Variants in FUT8 observed in about 807,000 individuals in gnomAD.
The protein encoded by FUT8 is alpha-(1,6)-fucosyltransferase.
In FUT8, 29 loss-of-function variants were observed where a neutral mutation model predicts 71.3. The ratio of observed to expected loss-of-function variants is 0.41; its 90% CI spans 0.30 to 0.55. The LOEUF (loss-of-function observed/expected upper bound fraction) is 0.55, where lower values mean the gene tolerates loss of function less well. FUT8 is among the 20% of genes least tolerant of loss of function. The pLI is 0.34. For synonymous variants in FUT8, 254 were observed against 239.3 expected (o/e 1.06, Z -0.57); for missense variants, 544 against 702.1 (o/e 0.77, Z 2.55).
At chr14:65,526,741 C>T (rs1334450107) in intron 2 of FUT8, among the ~76,000 whole-genome samples, 2 of 152,186 alleles carry the variant, frequency 1.3e-5, no homozygotes, top group Non-Finnish European at 2.9e-5. Flanking sequence ...TTCAGGAGCT[C>T]TTGTAGGGCA....
upstream of FUT8, chr14:65,412,141 T>A (rs1400888909): frequency 2.2e-6 from 1 of 456,714 alleles, no homozygotes; most frequent in Admixed American, 2.3e-5. Flanking sequence ...GGGGGGGTCT[T>A]TCTCTTCGAG....
intron 10 of FUT8, among the ~76,000 whole-genome samples, chr14:65,733,798 T>C (rs1236252353): frequency 6.6e-6 from 1 of 152,224 alleles, no homozygotes; most frequent in Non-Finnish European, 1.5e-5. Flanking sequence ...AAATTTTGCC[T>C]CAGTTGATTG....
At chr14:65,358,335 AAATT>A in the FUT8 span, among the ~76,000 whole-genome samples, 12 of 152,346 alleles carry the variant, frequency 7.9e-5, no homozygotes, top group Middle Eastern at 3.4e-3. Flanking sequence ...AATTATAAAT[AAATT>A]AATAAAAATA....
intron 3 of FUT8, among the ~76,000 whole-genome samples, chr14:65,611,019 T>G (rs1189835370): frequency 1.3e-5 from 2 of 151,702 alleles, no homozygotes; most frequent in Non-Finnish European, 2.9e-5. Flanking sequence ...TAATACTAAC[T>G]TTATAGAAAG....
At chr14:65,608,202 A>G (rs1029870788) in intron 3 of FUT8, among the ~76,000 whole-genome samples, 1 of 151,944 alleles carries the variant, frequency 6.6e-6, no homozygotes, top group Non-Finnish European at 1.5e-5. Context: ...ATGTTTTTAA[A>G]GCAAGTGCCT....
intron 7 of FUT8, among the ~76,000 whole-genome samples, chr14:65,675,466 C>T (rs1041543008): frequency 6.6e-6 from 1 of 152,062 alleles, no homozygotes; most frequent in Non-Finnish European, 1.5e-5. Flanking sequence ...CAAACTCCAG[C>T]CCATTGATTG....
At chr14:65,620,155 T>A (rs529916638) in intron 5 of FUT8, among the ~76,000 whole-genome samples, 46 of 152,280 alleles carry the variant, frequency 3.0e-4, no homozygotes, top group South Asian at 1.2e-3. Flanking sequence ...ATATTTTTTT[T>A]AAATTTATTC....
rs558727490 is a variant in FUT8 at position 65,534,999 on chromosome 14, T to C, written c.-227-26338T>C. ...GCTCTTGCATCTCTAGTTCTTTTAG[T>C]TGTGATATTAGGTTGTTAAATTGAG... is the stretch of plus-strand genomic sequence containing the variant. On this transcript the variant is annotated intron_variant, in intron 2 of 10. Coordinates refer to ENST00000673929, the MANE Select transcript of FUT8 (RefSeq NM_001371533.1). Among the ~76,000 whole-genome samples, 4 of 151,596 alleles carry C rather than the reference T, an allele frequency of 2.6e-5. No homozygotes were observed. In the South Asian group the frequency reaches 8.3e-4, roughly 31 times the overall value.
At chr14:65,587,772 A>G (rs1026589700) in intron 3 of FUT8, among the ~76,000 whole-genome samples, 5 of 152,226 alleles carry the variant, frequency 3.3e-5, no homozygotes, top group Non-Finnish European at 5.9e-5. Context: ...TATAAAGGCA[A>G]ATGCATCCAT....
intron 2 of FUT8, among the ~76,000 whole-genome samples, chr14:65,463,702 G>T (rs1415608016): frequency 6.6e-6 from 1 of 152,156 alleles, no homozygotes; most frequent in East Asian, 1.9e-4. Context: ...CATGGTGGCT[G>T]ATCATCCAAG....
At chr14:65,727,670 C>T (rs1388727495) in intron 9 of FUT8, among the ~76,000 whole-genome samples, 1 of 152,154 alleles carries the variant, frequency 6.6e-6, no homozygotes, top group Non-Finnish European at 1.5e-5. Context: ...GAGACATTTT[C>T]CCCATTGTAT....
At chr14:65,427,047 A>G (rs1227534073) in intron 1 of FUT8, among the ~76,000 whole-genome samples, 7 of 152,020 alleles carry the variant, frequency 4.6e-5, no homozygotes, top group Admixed American at 4.6e-4. Flanking sequence ...TATTTTTAGT[A>G]GAAACAGGGT....
chr14:65,575,413 A>C (rs1886702675), intron 3 of FUT8, among the ~76,000 whole-genome samples: 1 of 152,108 alleles, frequency 6.6e-6, no homozygotes, highest in Admixed American at 6.5e-5. Context: ...TCTTTCATAC[A>C]TGGGCATTAA....
chr14:65,581,210 T>C (rs1334498376), intron 3 of FUT8, among the ~76,000 whole-genome samples: 1 of 152,104 alleles, frequency 6.6e-6, no homozygotes, highest in African/African-American at 2.4e-5. Flanking sequence ...GTAGTCTGTA[T>C]TTTAACAAGC....
chr14:65,539,545 CA>C (rs1302124222), intron 2 of FUT8, among the ~76,000 whole-genome samples: 2 of 152,114 alleles, frequency 1.3e-5, no homozygotes, highest in African/African-American at 4.8e-5. Flanking sequence ...CGACTCTGGG[CA>C]AGTTACTAAA....
chr14:65,696,319 A>G (rs182078310), intron 7 of FUT8, among the ~76,000 whole-genome samples: 28 of 152,344 alleles, frequency 1.8e-4, no homozygotes, highest in African/African-American at 6.3e-4. Flanking sequence ...ATACTGCAGA[A>G]TGCAGAATTC....
chr14:65,516,135 A>T (rs1882690254), intron 2 of FUT8: 1 of 151,916 alleles, frequency 6.6e-6, no homozygotes, highest in Admixed American at 6.6e-5. Flanking sequence ...GTGAATAACC[A>T]CAGCATGGTA....
intron 7 of FUT8, among the ~76,000 whole-genome samples, chr14:65,702,087 T>G (rs1894326520): frequency 6.6e-6 from 1 of 152,226 alleles, no homozygotes; most frequent in Admixed American, 6.5e-5. Flanking sequence ...GGCTCACGCC[T>G]GTAATCCCAG....
At chr14:65,482,092 T>A (rs1167521522) in intron 2 of FUT8, among the ~76,000 whole-genome samples, 1 of 152,174 alleles carries the variant, frequency 6.6e-6, no homozygotes, top group Non-Finnish European at 1.5e-5. Context: ...GCATAGAAGT[T>A]CTCTCCTGGA....
Sources: gnomAD v4.1 joint callset for allele counts (sites outside exome capture counted in the v4.1 genomes callset) on GRCh38, gnomAD v4.1.1 for gene constraint, MANE v1.5 for transcripts, NCBI Gene and HGNC (gene_info 2026-07-23, HGNC 2026-07-21) for gene names.